Variants in NDOR1 observed in about 807,000 individuals in gnomAD.
NDOR1 encodes NADPH dependent diflavin oxidoreductase 1, also known as NADPH-dependent diflavin oxidoreductase 1.
NDOR1 carries 61 observed loss-of-function variants against 67.2 expected under a neutral mutation model. The observed-to-expected ratio is 0.91, with a 90% CI of 0.74 to 1.12. The LOEUF (loss-of-function observed/expected upper bound fraction) is 1.12. NDOR1 is among the 50% of genes most tolerant of loss of function. NDOR1 has a pLI of 0.00. For synonymous variants in NDOR1, 378 were observed against 343.7 expected, an observed-to-expected ratio of 1.10 and a Z score of -1.10; for missense variants, 878 against 802.8, an observed-to-expected ratio of 1.09 and a Z score of -1.13.
At chr9:137,206,507 C>T (rs1834976147) in intron 2 of NDOR1, among the ~76,000 whole-genome samples, 198 bp downstream of exon 2, 3 of 152,178 alleles carry the variant, frequency 2.0e-5, no homozygotes, top group Admixed American at 6.5e-5. Context: ...ACCAAATAGC[C>T]TTATTATCCG....
In NDOR1 at chr9:137,212,674, G is replaced by A. The variant is rs919445442; in HGVS notation, c.311+75G>A. ...GCAACAGGTGTGCTGGCAGAGGACC[G>A]AGACCAGCTTCCAGGGTCGGCCCCT... is the stretch of plus-strand genomic sequence containing the variant. On this transcript the variant is annotated intron_variant, in intron 3 of 13. Coordinates refer to ENST00000684003, the MANE Select transcript of NDOR1 (RefSeq NM_014434.4). This position sits in a 1 kb window ranked among gnomAD's most constrained non-coding sequence, Gnocchi z 4.3. The A allele has an allele frequency of 1.3e-5, 18 of 1,385,640 alleles. No homozygotes were observed. Among genetic ancestry groups the A allele is most frequent in the South Asian group, 3.5e-5 (3 of 86,350 alleles). The allele number at this position is 1,385,640 out of a possible 1,614,324, so 85.8% of individuals were successfully genotyped here. A position where few individuals can be genotyped will look rare whatever the true frequency, so the allele number is the denominator to read the frequency against.
At chr9:137,214,163 T>C in intron 5 of NDOR1, 41 bp from the exon 6 acceptor site, 1 of 1,572,854 alleles carries the variant, frequency 6.4e-7, no homozygotes. Context: ...GGGCGGCCCC[T>C]GGGGAGTGGG....
intron 3 of NDOR1, among the ~76,000 whole-genome samples, chr9:137,213,534 C>T (rs1011238771): frequency 6.6e-6 from 1 of 152,184 alleles, no homozygotes; most frequent in African/African-American, 2.4e-5. Context: ...CACACAGGCT[C>T]ATTCTCTGCG....
At position 137,205,854 on chromosome 9, in the gene NDOR1, G is replaced by T. The variant is rs1207468064; in HGVS notation, c.77G>T (p.Arg26Leu). 3.1e-6 allele frequency: 5 copies of T among 1,602,168 alleles called. No homozygotes were observed. In the African/African-American group the frequency reaches 6.7e-5, roughly 21 times the overall value. Reference sequence around the variant, plus strand: ...CAGGATGTGTCGGAGAGACTGGGTCGCGAGGCCCGGCGCCGGCGGCTTGGC... The same window carrying T: ...CAGGATGTGTCGGAGAGACTGGGTCTCGAGGCCCGGCGCCGGCGGCTTGGC... ...TAQDVSERLG[R>L]EARRRRLGCR... is the part of the protein sequence containing the mutation. Residue 26 changes from arginine to leucine, a missense_variant, in exon 1 of 14, where the codon CGC becomes CTC. Coordinates refer to ENST00000684003, the MANE Select transcript of NDOR1 (RefSeq NM_014434.4).
rs545987428 is a variant in NDOR1, at chr9:137,212,301, C to G, written c.214-201C>G. ...CAGGGTGGGACCTGGTCTCCCTAGA[C>G]GCTGGACCAGCCCTGCCTCCTCCCG... On this transcript the variant is annotated intron_variant, in intron 2 of 13. Coordinates refer to ENST00000684003, the MANE Select transcript of NDOR1 (RefSeq NM_014434.4). This position sits in a 1 kb window ranked among gnomAD's most constrained non-coding sequence, Gnocchi z 4.3. Among the ~76,000 whole-genome samples the G allele has an allele frequency of 1.3e-5, 2 of 152,208 alleles. No homozygotes were observed. Among genetic ancestry groups the G allele is most frequent in the Non-Finnish European group, 2.9e-5 (2 of 67,984 alleles).
Position 137,218,498 on chromosome 9 carries a change from C to G in NDOR1, c.*2082C>G. The G allele has an allele frequency of 2.5e-6, 1 of 398,620 alleles. No homozygotes were observed. Among genetic ancestry groups the G allele is most frequent in the South Asian group, 1.3e-4 (1 of 7,960 alleles). The allele number at this position is 398,620 out of a possible 1,614,324, so 24.7% of individuals were successfully genotyped here. On this transcript the variant is annotated 3_prime_UTR_variant, in exon 14 of 14. Transcript: ENST00000684003. ...GGGACCCTGTGCCCGCCGCCTGGCG[C>G]TGCTGAGCCTGCTGGCCCTTGAGCT...
intron 9 of NDOR1, 42 bp from the exon 10 acceptor site, chr9:137,215,365 G>C (rs771377834): frequency 6.3e-7 from 1 of 1,596,532 alleles, no homozygotes; most frequent in South Asian, 1.1e-5. Flanking sequence ...CACAGGTGAG[G>C]GCAGCCTTGT....
Position 137,212,719 on chromosome 9 carries a change from C to A in NDOR1, c.311+120C>A, listed in dbSNP as rs569570447. On this transcript the variant is annotated intron_variant, in intron 3 of 13. Transcript: ENST00000684003. This position sits in a 1 kb window ranked among gnomAD's most constrained non-coding sequence, Gnocchi z 4.3. ...GCCCCTGCGCGCCTCAGGGCCCTCG[C>A]AGTGGTACTGGCTTCTCCACAACGC... The A allele has an allele frequency of 1.5e-3, 1,292 of 880,534 alleles. 3 individuals are homozygous for A. Among genetic ancestry groups the A allele is most frequent in the Non-Finnish European group, 2.2e-3 (1,197 of 540,394 alleles). 54.5% of individuals were successfully genotyped at this position (880,534 alleles called of 1,614,324 possible).
Position 137,213,874 on chromosome 9 carries a change from C to T in NDOR1, c.406C>T (p.Leu136=), listed in dbSNP as rs745888022. ...PVCLGDDQHE[L]GPDAAVDPWL... Reference sequence around the variant, plus strand: ...GTGCCTGGGCGATGACCAGCATGAGCTGGGGTGAGTCTGCGGGCGTGGTAC... The same window carrying T: ...GTGCCTGGGCGATGACCAGCATGAGTTGGGGTGAGTCTGCGGGCGTGGTAC... The change falls in exon 4 of 14, where the codon CTG becomes TTG. Residue 136 remains leucine (L), a synonymous_variant. Coordinates refer to ENST00000684003, the MANE Select transcript of NDOR1 (RefSeq NM_014434.4). 2.2e-5 allele frequency: 36 copies of T among 1,609,910 alleles called. No individual in the cohort carries two copies. The Middle Eastern group carries it at 8.3e-4, about 37-fold the overall frequency.
intron 2 of NDOR1, among the ~76,000 whole-genome samples, chr9:137,208,003 A>G (rs2131364254): frequency 6.6e-6 from 1 of 151,780 alleles, no homozygotes; most frequent in South Asian, 2.1e-4. Flanking sequence ...TTAGCTGGGC[A>G]CGGCGCAGTG....
At chr9:137,211,582 G>A (rs1239603238) in intron 2 of NDOR1, among the ~76,000 whole-genome samples, 2 of 152,076 alleles carry the variant, frequency 1.3e-5, no homozygotes. Context: ...GAGTCTTTTG[G>A]GATTCAGGAA....
intron 5 of NDOR1, 57 bp downstream of exon 5, chr9:137,214,125 C>G (rs1040409233): frequency 9.2e-6 from 14 of 1,530,006 alleles, no homozygotes; most frequent in Non-Finnish European, 1.2e-5. Flanking sequence ...GGCCTGGGGA[C>G]CTCGCCCTGG....
In NDOR1 at chr9:137,213,898, A is replaced by G; in HGVS notation, c.410+20A>G. The G allele has an allele frequency of 6.3e-7, 1 of 1,591,028 alleles. No homozygotes were observed. Among genetic ancestry groups the G allele is most frequent in the Non-Finnish European group, 8.6e-7 (1 of 1,168,236 alleles). On this transcript the variant is annotated intron_variant, in intron 4 of 13. Coordinates refer to ENST00000684003, the MANE Select transcript of NDOR1 (RefSeq NM_014434.4). ...GCTGGGGTGAGTCTGCGGGCGTGGT[A>G]CCCGCCTCCACAGTCTGGTCTGGCC...
At chr9:137,205,983 C>G in intron 1 of NDOR1, 71 bp downstream of exon 1, 2 of 1,496,418 alleles carry the variant, frequency 1.3e-6, no homozygotes, top group Non-Finnish European at 1.8e-6. Context: ...GGGTCATCGA[C>G]CCAAAAGGCG....
rs1172634433 is a variant in NDOR1, at chr9:137,212,924, C to T, written c.311+325C>T. The T allele has an allele frequency of 9.0e-6, 3 of 333,224 alleles. No homozygotes were observed. The East Asian group carries it at 1.9e-4, about 21-fold the overall frequency. The allele number at this position is 333,224 out of a possible 1,614,324, so 20.6% of individuals were successfully genotyped here. Reference sequence around the variant, plus strand: ...CGACTTTGAGCCTGGAGGAGGACCCCGTATGCTCCTGCCACCCCAGAGGCC... The same window carrying T: ...CGACTTTGAGCCTGGAGGAGGACCCTGTATGCTCCTGCCACCCCAGAGGCC... On this transcript the variant is annotated intron_variant, in intron 3 of 13. Transcript: ENST00000684003. The surrounding 1 kb of genome is among the most constrained non-coding windows in gnomAD (Gnocchi z 4.3).
chr9:137,219,239 A>C lies in NDOR1; in HGVS notation c.*2823A>C, dbSNP rs1442192534. 6.6e-6 allele frequency: 1 copy of C among 152,206 alleles called. No homozygotes were observed. Among genetic ancestry groups the C allele is most frequent in the Non-Finnish European group, 1.5e-5 (1 of 68,072 alleles). The allele number at this position is 152,206 out of a possible 1,614,324, so 9.4% of individuals were successfully genotyped here. ...AGGGCCCACCCAGGCCTTGGAACAT[A>C]AGCTCTGCCCCTGCACACCCTCATG... On this transcript the variant is annotated 3_prime_UTR_variant, in exon 14 of 14. Transcript: ENST00000684003.
chr9:137,207,848 A>G lies in NDOR1; in HGVS notation c.213+1539A>G, dbSNP rs150727462. Among the ~76,000 whole-genome samples the G allele has an allele frequency of 9.7e-3, 1,479 of 152,296 alleles. 29 individuals carry two copies. Among genetic ancestry groups the G allele is most frequent in the African/African-American group, 0.035 (1,442 of 41,550 alleles). The stretch of plus-strand genomic sequence containing the variant: ...GAGTGAGTGGAGAGCATCTTTTAAG[A>G]ATGTCTTGAGTGCGGGCCGGCTGCG... On this transcript the variant is annotated intron_variant, in intron 2 of 13. Coordinates refer to ENST00000684003, the MANE Select transcript of NDOR1 (RefSeq NM_014434.4).
rs1835633752 is a variant in NDOR1 at position 137,216,870 on chromosome 9, C to G, written c.*454C>G. On this transcript the variant is annotated 3_prime_UTR_variant, in exon 14 of 14. Coordinates refer to ENST00000684003, the MANE Select transcript of NDOR1 (RefSeq NM_014434.4). ...CATTCCAGTCACTGCCCCCGCACTC[C>G]CACAGGGCTCAGGCTGGGCTCAGAG... 4.8e-6 allele frequency: 1 copy of G among 208,382 alleles called. No individual in the cohort carries two copies. Among genetic ancestry groups the G allele is most frequent in the African/African-American group, 2.4e-5 (1 of 42,450 alleles). The allele number at this position is 208,382 out of a possible 1,614,324, so 12.9% of individuals were successfully genotyped here.
chr9:137,211,299 G>C (rs1448514651), intron 2 of NDOR1, among the ~76,000 whole-genome samples: 1 of 152,240 alleles, frequency 6.6e-6, no homozygotes, highest in East Asian at 1.9e-4. Flanking sequence ...GTCTAGAGCG[G>C]GGTCTGCGGC....
Sources: gnomAD v4.1 joint callset for allele counts (sites outside exome capture counted in the v4.1 genomes callset) on GRCh38, gnomAD v4.1.1 for gene constraint, Gnocchi (gnomAD v3.1) non-coding constraint, MANE v1.5 for transcripts, NCBI Gene and HGNC (gene_info 2026-07-23, HGNC 2026-07-21) for gene names.